SORCS3: variants seen among roughly 807,000 people sequenced by gnomAD.
The protein encoded by SORCS3 is sortilin related VPS10 domain containing receptor 3.
SORCS3 carries 57 observed loss-of-function variants against 146.3 expected under a neutral mutation model. The ratio of observed to expected loss-of-function variants is 0.39; its 90% CI spans 0.31 to 0.49. The LOEUF is 0.49. SORCS3 is among the 20% of genes least tolerant of loss of function. The pLI is 0.92. For missense variants in SORCS3, 1,341 were observed against 1,575.5 expected (o/e 0.85, Z 2.52); for synonymous variants, 653 against 618.5 (o/e 1.06, Z -0.83).
chr10:105,187,476 C>A (rs1441564721), intron 14 of SORCS3, among the ~76,000 whole-genome samples: 2 of 152,194 alleles, frequency 1.3e-5, no homozygotes, highest in African/African-American at 4.8e-5. Context: ...CACCAATAGC[C>A]AAGAATGTGG....
chr10:105,242,642 A>G (rs1233378973), intron 20 of SORCS3, among the ~76,000 whole-genome samples: 2 of 103,762 alleles, frequency 1.9e-5, no homozygotes, highest in Non-Finnish European at 3.4e-5. Context: ...ATACATTTAT[A>G]TATATATTTA....
intron 7 of SORCS3, among the ~76,000 whole-genome samples, chr10:105,108,517 G>T (rs2055837915): frequency 6.6e-6 from 1 of 152,136 alleles, no homozygotes; most frequent in African/African-American, 2.4e-5. Flanking sequence ...TGAGCCTCAG[G>T]CTACTCCAAT....
At chr10:104,794,144 C>G (rs946905567) in intron 1 of SORCS3, among the ~76,000 whole-genome samples, 1 of 152,186 alleles carries the variant, frequency 6.6e-6, no homozygotes. Context: ...ATCTCCCCAA[C>G]AGGGTCATTC....
At position 105,039,129 on chromosome 10, in the gene SORCS3, T is replaced by C. The variant is rs181099400; in HGVS notation, c.955-3926T>C. On this transcript the variant is annotated intron_variant, in intron 4 of 26. Transcript: ENST00000369701. ...GCATAGTAGTTGTTTGATACACTTT[T>C]AGTGACTGAATGAATAAGTGATTAA... Among the ~76,000 whole-genome samples, 17 of 152,320 alleles carry C rather than the reference T, an allele frequency of 1.1e-4. No individual in the cohort carries two copies. The East Asian group carries it at 3.1e-3, about 28-fold the overall frequency.
intron 1 of SORCS3, 53 bp downstream of exon 1, chr10:104,642,007 TGG>T: frequency 1.7e-5 from 1 of 59,384 alleles, no homozygotes; most frequent in Non-Finnish European, 3.3e-5. Flanking sequence ...CGAAGGGGAA[TGG>T]GGGGGTGGGT....
At position 104,888,308 on chromosome 10, in the gene SORCS3, G is replaced by A. The variant is rs981548596; in HGVS notation, c.696-27525G>A. Among the ~76,000 whole-genome samples the A allele has an allele frequency of 2.0e-5, 3 of 152,196 alleles. No individual in the cohort carries two copies. The East Asian group carries it at 5.8e-4, about 29-fold the overall frequency. On this transcript the variant is annotated intron_variant, in intron 2 of 26. Coordinates refer to ENST00000369701, the MANE Select transcript of SORCS3 (RefSeq NM_014978.3). ...CCTAGCTACCACCAGAGCAAAGTGT[G>A]ACTGGCTAAGTAGTTGGACCAGGAG... is the stretch of plus-strand genomic sequence containing the variant.
At chr10:104,785,439 C>T (rs966984067) in intron 1 of SORCS3, among the ~76,000 whole-genome samples, 1 of 141,928 alleles carries the variant, frequency 7.0e-6, no homozygotes, top group African/African-American at 2.7e-5. Flanking sequence ...GGGACACAAA[C>T]ACTGCGGAAG....
At chr10:104,880,346 T>C (rs2018618666) in intron 2 of SORCS3, among the ~76,000 whole-genome samples, 1 of 152,210 alleles carries the variant, frequency 6.6e-6, no homozygotes, top group African/African-American at 2.4e-5. Context: ...TTCCATTCCT[T>C]GAACAATCCT....
chr10:104,997,823 C>T (rs1446381662), intron 4 of SORCS3, among the ~76,000 whole-genome samples: 1 of 152,098 alleles, frequency 6.6e-6, no homozygotes, highest in Non-Finnish European at 1.5e-5. Context: ...AATAATTGTA[C>T]ACAATGCTTG....
At chr10:104,983,604 T>C (rs1400608406) in intron 4 of SORCS3, among the ~76,000 whole-genome samples, 2 of 152,148 alleles carry the variant, frequency 1.3e-5, no homozygotes, top group Non-Finnish European at 2.9e-5. Context: ...CCTGTGTACT[T>C]TCATCTGCTG....
chr10:104,927,722 T>TA (rs2019162741), intron 3 of SORCS3, among the ~76,000 whole-genome samples: 1 of 105,382 alleles, frequency 9.5e-6, no homozygotes, highest in African/African-American at 8.8e-5. Flanking sequence ...CTACTAAAAG[T>TA]ACAAAATTAG....
chr10:104,762,340 G>C (rs1470669577), intron 1 of SORCS3, among the ~76,000 whole-genome samples: 4 of 152,172 alleles, frequency 2.6e-5, no homozygotes, highest in Non-Finnish European at 4.4e-5. Flanking sequence ...CTTCTGCCAT[G>C]GGTTATTTCA....
At chr10:105,218,318 G>T (rs747025121) in intron 19 of SORCS3, among the ~76,000 whole-genome samples, 1 of 152,144 alleles carries the variant, frequency 6.6e-6, no homozygotes, top group Non-Finnish European at 1.5e-5. Flanking sequence ...ACCTTGCCTC[G>T]TGGGGCTTTT....
At chr10:104,792,870 C>T (rs1272101171) in intron 1 of SORCS3, among the ~76,000 whole-genome samples, 1 of 152,104 alleles carries the variant, frequency 6.6e-6, no homozygotes, top group African/African-American at 2.4e-5. Context: ...CCTTGAGTCT[C>T]ACACAATGTC....
chr10:104,803,114 TTAATGAAG>T (rs371997043), intron 1 of SORCS3, among the ~76,000 whole-genome samples: 306 of 152,292 alleles, frequency 2.0e-3, no homozygotes, highest in African/African-American at 7.0e-3. Context: ...GAAATTTCTT[TTAATGAAG>T]TGACTCAGAA....
At chr10:104,654,995 G>A (rs550394357) in intron 1 of SORCS3, among the ~76,000 whole-genome samples, 31 of 152,326 alleles carry the variant, frequency 2.0e-4, no homozygotes, top group African/African-American at 4.8e-4. Context: ...GCTCATGCCT[G>A]TAATCCCAGC....
intron 3 of SORCS3, among the ~76,000 whole-genome samples, chr10:104,973,033 C>T (rs919499058): frequency 2.0e-5 from 3 of 152,106 alleles, no homozygotes; most frequent in African/African-American, 7.2e-5. Context: ...CCTTGCATTC[C>T]AGGGATGAAG....
intron 7 of SORCS3, among the ~76,000 whole-genome samples, chr10:105,122,013 C>T (rs758471525): frequency 2.0e-5 from 3 of 152,090 alleles, no homozygotes; most frequent in Non-Finnish European, 4.4e-5. Flanking sequence ...CCCCATTTTC[C>T]TTCCCTTCCA....
chr10:104,915,315 A>T (rs1016590413), intron 2 of SORCS3, among the ~76,000 whole-genome samples: 1 of 151,762 alleles, frequency 6.6e-6, no homozygotes, highest in Non-Finnish European at 1.5e-5. Context: ...TAGCCATTGG[A>T]CCCCATAAGT....
Sources: allele counts gnomAD v4.1 joint callset (sites outside exome capture counted in the v4.1 genomes callset), GRCh38; gene constraint gnomAD v4.1.1; transcripts MANE v1.5; gene names NCBI Gene and HGNC (gene_info 2026-07-23, HGNC 2026-07-21).